Variants in OPRM1 observed in about 807,000 individuals in gnomAD.
OPRM1 encodes opioid receptor mu 1.
OPRM1 carries 27 observed loss-of-function variants against 31.8 expected under a neutral mutation model. That is an observed-to-expected ratio of 0.85 (90% CI 0.63 to 1.17). OPRM1 has a LOEUF of 1.17. Ranked by LOEUF, OPRM1 falls within the 50% of genes most tolerant of loss-of-function variation. The pLI is 0.00. For missense variants in OPRM1, 536 were observed against 511.1 expected (o/e 1.05, Z -0.47); for synonymous variants, 196 against 189.9 (o/e 1.03, Z -0.26).
At chr6:154,044,844 G>A (rs946944789) in intron 1 of OPRM1, among the ~76,000 whole-genome samples, 23 of 152,164 alleles carry the variant, frequency 1.5e-4, no homozygotes, top group African/African-American at 5.6e-4. Context: ...GTTTAAGGCA[G>A]TAGTTGAAAC....
chr6:154,060,547 G>T (rs1440635768), intron 1 of OPRM1, among the ~76,000 whole-genome samples: 1 of 152,098 alleles, frequency 6.6e-6, no homozygotes, highest in Non-Finnish European at 1.5e-5. Context: ...GAAACAGATT[G>T]GAAAAGAATA....
chr6:154,042,164 G>C (rs1780201779), intron 1 of OPRM1, among the ~76,000 whole-genome samples: 1 of 152,124 alleles, frequency 6.6e-6, no homozygotes, highest in African/African-American at 2.4e-5. Flanking sequence ...TTAATCGCAG[G>C]GTTAGGTAAC....
chr6:154,170,158 A>G (rs568125767), intron 3 of OPRM1, among the ~76,000 whole-genome samples: 3 of 152,326 alleles, frequency 2.0e-5, no homozygotes, highest in African/African-American at 7.2e-5. Flanking sequence ...ATTTCTCACT[A>G]AGAACGTTAG....
chr6:154,159,667 G>A (rs143820634), intron 3 of OPRM1: 13 of 638,212 alleles, frequency 2.0e-5, no homozygotes, highest in African/African-American at 1.5e-4. Flanking sequence ...GAGCCCTGGT[G>A]TATTCGGTGA....
chr6:154,136,757 C>T (rs1014977278), downstream of OPRM1, among the ~76,000 whole-genome samples: 15 of 152,012 alleles, frequency 9.9e-5, no homozygotes, highest in Non-Finnish European at 2.1e-4. Flanking sequence ...CATGACCTGC[C>T]CATATGATGT....
rs1562472132 is a variant in OPRM1 at position 154,100,097 on chromosome 6, T to TATATATC, written c.1164+8627_1164+8628insATATCAT. Among the ~76,000 whole-genome samples, 14 of 58,428 alleles carry TATATATC rather than the reference T, an allele frequency of 2.4e-4. No homozygotes were observed. In the East Asian group the frequency reaches 0.011, roughly 45 times the overall value. 38.3% of individuals were successfully genotyped at this position (58,428 alleles called of 152,430 possible). A position where few individuals can be genotyped will look rare whatever the true frequency, so the allele number is the denominator to read the frequency against. On this transcript the variant is annotated intron_variant, in intron 3 of 3. Transcript: ENST00000330432. ...TATATCATATTATATATTATCATAT[T>TATATATC]ATGATATATATATTATATATTATCA...
Position 154,100,071 on chromosome 6 carries a change from A to C in OPRM1, c.1164+8599A>C, listed in dbSNP as rs967773282. ...TATATCATATGATATATATCATGAT[A>C]TATATCATATTATATATTATCATAT... On this transcript the variant is annotated intron_variant, in intron 3 of 3. Transcript: ENST00000330432. Among the ~76,000 whole-genome samples the C allele has an allele frequency of 1.8e-4, 23 of 131,350 alleles. 1 individual carries two copies. Among genetic ancestry groups the C allele is most frequent in the Non-Finnish European group, 3.6e-4 (23 of 64,638 alleles). The allele number at this position is 131,350 out of a possible 152,430, so 86.2% of individuals were successfully genotyped here.
At chr6:154,180,414 A>ATATATATATATATATTTTTT (rs1241250621) in intron 3 of OPRM1, among the ~76,000 whole-genome samples, 1 of 65,268 alleles carries the variant, frequency 1.5e-5, no homozygotes, top group African/African-American at 4.8e-5. Context: ...ATATATATAT[A>ATATATATATATATATTTTTT]TTTTTTTTTT....
intron 3 of OPRM1, among the ~76,000 whole-genome samples, chr6:154,160,904 C>G (rs916554286): frequency 1.3e-5 from 2 of 152,196 alleles, no homozygotes. Flanking sequence ...ATGCCCACTT[C>G]AACTCCACCT....
intron 3 of OPRM1, among the ~76,000 whole-genome samples, chr6:154,231,586 TAGTG>T (rs1779724867): frequency 6.6e-6 from 1 of 152,170 alleles, no homozygotes; most frequent in Admixed American, 6.5e-5. Context: ...CTCTAGGACA[TAGTG>T]AGAGAAAAAG....
chr6:154,013,252 C>T (rs893377511), intron 1 of OPRM1, among the ~76,000 whole-genome samples: 2 of 152,130 alleles, frequency 1.3e-5, no homozygotes, highest in South Asian at 2.1e-4. Flanking sequence ...CAACCAGTTA[C>T]AGCCAGGAAA....
intron 3 of OPRM1, among the ~76,000 whole-genome samples, chr6:154,185,458 A>G (rs1801256762): frequency 6.6e-6 from 1 of 152,182 alleles, no homozygotes; most frequent in Non-Finnish European, 1.5e-5. Context: ...TTGCCCCCAA[A>G]CTTTACAAAT....
At position 154,127,830 on chromosome 6, in the gene OPRM1, G is replaced by C. The variant is rs880649; in HGVS notation, c.*9109G>C. ...TTCAGAAAACAGGAAAATAACAAAG[G>C]CTTCCTGTAATTCTCTTTGGCTGTA... On this transcript the variant is annotated 3_prime_UTR_variant, in exon 4 of 4. Coordinates refer to ENST00000330432, the MANE Select transcript of OPRM1 (RefSeq NM_000914.5). 0.047 allele frequency among the ~76,000 whole-genome samples: 7,082 copies of C among 152,202 alleles called. 508 individuals carry two copies. The highest frequency in any genetic ancestry group is 0.16 in the African/African-American group (6,599 of 41,484).
chr6:154,144,215 T>C (rs775408086), intron 3 of OPRM1, among the ~76,000 whole-genome samples: 1 of 152,190 alleles, frequency 6.6e-6, no homozygotes, highest in Non-Finnish European at 1.5e-5. Flanking sequence ...GCCCAGATAA[T>C]TTCACTGAAG....
intron 1 of OPRM1, among the ~76,000 whole-genome samples, chr6:154,034,079 T>A (rs1429922963): frequency 1.3e-5 from 2 of 152,224 alleles, no homozygotes; most frequent in African/African-American, 4.8e-5. Flanking sequence ...TTGTATTAAA[T>A]CTTGGCCCTT....
intron 1 of OPRM1, among the ~76,000 whole-genome samples, chr6:154,026,178 C>T (rs187888375): frequency 7.2e-4 from 110 of 152,094 alleles, no homozygotes; most frequent in Non-Finnish European, 1.3e-3. Context: ...CTTTATTTCT[C>T]CTTCATGTTT....
rs1355370790 is a variant in OPRM1 at position 154,210,820 on chromosome 6, AATAG to A, written c.1165-35868_1165-35865del. 2.6e-5 allele frequency among the ~76,000 whole-genome samples: 4 copies of A among 152,234 alleles called. 1 individual carries two copies. The highest frequency in any genetic ancestry group is 2.0e-4 in the Admixed American group (3 of 15,286). ...TGCTTAATTTTGGCTAATCATATTT[AATAG>A]ATAGTTTAATAAACATTTATTCAAC... On this transcript the variant is annotated intron_variant, in intron 3 of 3. Transcript: ENST00000337049.
intron 3 of OPRM1, among the ~76,000 whole-genome samples, chr6:154,113,326 C>T (rs924009509): frequency 2.6e-5 from 4 of 152,276 alleles, no homozygotes; most frequent in Non-Finnish European, 2.9e-5. Context: ...CCCTCTTTAC[C>T]TAGGGGACTA....
At chr6:154,206,993 G>A (rs1192741771) in intron 3 of OPRM1, among the ~76,000 whole-genome samples, 1 of 152,254 alleles carries the variant, frequency 6.6e-6, no homozygotes. Context: ...GGAAGCTTTT[G>A]TGCAGGTGAA....
Sources: allele counts gnomAD v4.1 joint callset (sites outside exome capture counted in the v4.1 genomes callset), GRCh38; gene constraint gnomAD v4.1.1; transcripts MANE v1.5; gene names NCBI Gene and HGNC (gene_info 2026-07-23, HGNC 2026-07-21).